RFTN1: variants seen among roughly 807,000 people sequenced by gnomAD.
RFTN1 encodes raftlin.
Under a neutral mutation model 46.5 loss-of-function variants are expected in RFTN1, and 26 were observed. The observed-to-expected ratio is 0.56, with a 90% confidence interval of 0.41 to 0.78. The LOEUF (loss-of-function observed/expected upper bound fraction) is 0.78. Among genes scored for constraint, RFTN1 ranks in the 30% least tolerant of loss-of-function variants. The pLI, the probability that RFTN1 is intolerant of heterozygous loss-of-function variation, is 0.00. For missense variants in RFTN1, 693 were observed against 718.7 expected (o/e 0.96, Z 0.41); for synonymous variants, 261 against 284.2 (o/e 0.92, Z 0.82).
intron 6 of RFTN1, among the ~76,000 whole-genome samples, chr3:16,365,706 A>G (rs2073121713): frequency 6.6e-6 from 1 of 152,166 alleles, no homozygotes; most frequent in South Asian, 2.1e-4. Context: ...CCTGGAACGT[A>G]TTCTTGTCAT....
rs1445179621 is a variant in RFTN1, at chr3:16,443,258, T to TAGCCATTCTAAC, written c.146-9233_146-9222dup. 1.3e-5 allele frequency among the ~76,000 whole-genome samples: 2 copies of TAGCCATTCTAAC among 152,354 alleles called. No homozygotes were observed. Among genetic ancestry groups the TAGCCATTCTAAC allele is most frequent in the Middle Eastern group, 3.4e-3 (1 of 294 alleles). On this transcript the variant is annotated intron_variant, in intron 2 of 9. Transcript: ENST00000334133. This position sits in a 1 kb window ranked among gnomAD's most constrained non-coding sequence, Gnocchi z 5.5. ...TTCTTATCTCTTGTATTTTTGATAG[T>TAGCCATTCTAAC]AGCCATTCTAACAGGTGTGAGCTGA... is the stretch of plus-strand genomic sequence containing the variant.
chr3:16,432,919 C>T (rs1001440567), intron 3 of RFTN1, among the ~76,000 whole-genome samples: 1 of 152,174 alleles, frequency 6.6e-6, no homozygotes, highest in African/African-American at 2.4e-5. Flanking sequence ...GTCTTAGACA[C>T]GCAACCTCAT....
At chr3:16,470,136 G>A (rs1485985755) in intron 2 of RFTN1, among the ~76,000 whole-genome samples, 1 of 152,112 alleles carries the variant, frequency 6.6e-6, no homozygotes, top group Non-Finnish European at 1.5e-5. Flanking sequence ...TTAAAATGGG[G>A]ATATTTGTCC....
chr3:16,378,147 C>T (rs376602150), intron 4 of RFTN1, 45 bp from the exon 5 acceptor site: 9 of 1,545,284 alleles, frequency 5.8e-6, no homozygotes, highest in Non-Finnish European at 8.0e-6. Context: ...ATGAAATGGT[C>T]TATCAAAGGG....
intron 3 of RFTN1, among the ~76,000 whole-genome samples, chr3:16,430,121 G>A (rs1377826085): frequency 6.6e-6 from 1 of 151,468 alleles, no homozygotes; most frequent in Non-Finnish European, 1.5e-5. Context: ...TTTTGTTGTT[G>A]TTGTTTCTTG....
At chr3:16,502,644 G>A (rs1162768299) in intron 1 of RFTN1, among the ~76,000 whole-genome samples, 2 of 152,336 alleles carry the variant, frequency 1.3e-5, no homozygotes, top group East Asian at 1.9e-4. Flanking sequence ...CTGCCATGTT[G>A]TGAGGACACT....
In RFTN1 at chr3:16,429,495, G is replaced by C. The variant is rs1185753457; in HGVS notation, c.332+4356C>G. 6.6e-6 allele frequency among the ~76,000 whole-genome samples: 1 copy of C among 152,208 alleles called. No homozygotes were observed. Among genetic ancestry groups the C allele is most frequent in the Non-Finnish European group, 1.5e-5 (1 of 68,034 alleles). On this transcript the variant is annotated intron_variant, in intron 3 of 9. Transcript: ENST00000334133. This position sits in a 1 kb window ranked among gnomAD's most constrained non-coding sequence, Gnocchi z 6.4. ...ATTTCCTTGGTTTCCCTTCCAGTGA[G>C]AGGTGGCATCTCCTTCTCCCAAACT... is the stretch of plus-strand genomic sequence containing the variant.
In RFTN1 at chr3:16,421,854, C is replaced by T. The variant is rs940984268; in HGVS notation, c.332+11997G>A. 6.6e-6 allele frequency among the ~76,000 whole-genome samples: 1 copy of T among 152,216 alleles called. No homozygotes were observed. The highest frequency in any genetic ancestry group is 1.9e-4 in the East Asian group (1 of 5,186). ...TTAATTTAGCTAAAATTACAAAAAGCGATCCACTAATTCACCTTACTGAGA... is the reference window on the plus strand; with the variant it reads ...TTAATTTAGCTAAAATTACAAAAAGTGATCCACTAATTCACCTTACTGAGA... On this transcript the variant is annotated intron_variant, in intron 3 of 9. Coordinates refer to ENST00000334133, the MANE Select transcript of RFTN1 (RefSeq NM_015150.2). This position sits in a 1 kb window ranked among gnomAD's most constrained non-coding sequence, Gnocchi z 4.6.
chr3:16,329,174 C>A lies in RFTN1; in HGVS notation c.1147-2298G>T, dbSNP rs867837129. ...CTCTCTCCCCTCTTTTCTGCGCTTC[C>A]GCCTCGGGATGACGCAGCAAGAAGG... On this transcript the variant is annotated intron_variant, in intron 7 of 9. Coordinates refer to ENST00000334133, the MANE Select transcript of RFTN1 (RefSeq NM_015150.2). The surrounding 1 kb of genome is among the most constrained non-coding windows in gnomAD (Gnocchi z 4.5). Among the ~76,000 whole-genome samples, 1 of 152,178 alleles carries A rather than the reference C, an allele frequency of 6.6e-6. No homozygotes were observed. Among genetic ancestry groups the A allele is most frequent in the African/African-American group, 2.4e-5 (1 of 41,444 alleles).
chr3:16,456,529 T>C (rs1015220977), intron 2 of RFTN1, among the ~76,000 whole-genome samples: 1 of 152,204 alleles, frequency 6.6e-6, no homozygotes, highest in Non-Finnish European at 1.5e-5. Flanking sequence ...AAGTTTATTA[T>C]TAAAAAGTAA....
Position 16,316,581 on chromosome 3 carries a change from C to T in RFTN1, c.*247G>A. On this transcript the variant is annotated 3_prime_UTR_variant, in exon 10 of 10. Coordinates refer to ENST00000334133, the MANE Select transcript of RFTN1 (RefSeq NM_015150.2). This position sits in a 1 kb window ranked among gnomAD's most constrained non-coding sequence, Gnocchi z 4.5. ...AGGACTGGGCCTTCAGCCATGAGGG[C>T]TAGAATAACCTGACCTCTTGCATTC... 1 of 549,640 alleles carries T rather than the reference C, an allele frequency of 1.8e-6. No homozygotes were observed. The highest frequency in any genetic ancestry group is 3.2e-5 in the East Asian group (1 of 30,952). The allele number at this position is 549,640 out of a possible 1,614,324, so 34.0% of individuals were successfully genotyped here.
In RFTN1 at chr3:16,320,318, T is replaced by C. The variant is rs565625067; in HGVS notation, c.1332+3058A>G. Among the ~76,000 whole-genome samples, 2 of 152,200 alleles carry C rather than the reference T, an allele frequency of 1.3e-5. No individual in the cohort carries two copies. The highest frequency in any genetic ancestry group is 2.4e-5 in the African/African-American group (1 of 41,446). On this transcript the variant is annotated intron_variant, in intron 9 of 9. Transcript: ENST00000334133. This position sits in a 1 kb window ranked among gnomAD's most constrained non-coding sequence, Gnocchi z 4.5. ...AGTCCTGATTAGAAAAATCTATCCA[T>C]GTTGCTGATTAAAAGAAGACTAAAT...
Position 16,513,426 on chromosome 3 carries a change from C to G in RFTN1, c.-9+16G>C, listed in dbSNP as rs540155692. 1 of 152,250 alleles carries G rather than the reference C, an allele frequency of 6.6e-6. No individual in the cohort carries two copies. Among genetic ancestry groups the G allele is most frequent in the African/African-American group, 2.4e-5 (1 of 41,410 alleles). 9.4% of individuals were successfully genotyped at this position (152,250 alleles called of 1,614,324 possible). On this transcript the variant is annotated intron_variant, in intron 1 of 9. Coordinates refer to ENST00000334133, the MANE Select transcript of RFTN1 (RefSeq NM_015150.2). The surrounding 1 kb of genome is among the most constrained non-coding windows in gnomAD (Gnocchi z 5.4). ...GTCGACACCCCAAGCCCTGTCGCGC[C>G]CCCCCCGCCGCCTACCGTATGGGAC...
Position 16,504,128 on chromosome 3 carries a change from T to TA in RFTN1, c.-9+9313dup, listed in dbSNP as rs35485402. ...CATTTTTTAATGGCATGCCCTAGACTAAAAAAAAAATACCCAATAGTTCGT... is the reference window on the plus strand; with the variant it reads ...CATTTTTTAATGGCATGCCCTAGACTAAAAAAAAAAATACCCAATAGTTCGT... On this transcript the variant is annotated intron_variant, in intron 1 of 9. Coordinates refer to ENST00000334133, the MANE Select transcript of RFTN1 (RefSeq NM_015150.2). The surrounding 1 kb of genome is among the most constrained non-coding windows in gnomAD (Gnocchi z 4.4). 1.7e-4 allele frequency among the ~76,000 whole-genome samples: 26 copies of TA among 149,950 alleles called. No homozygotes were observed. The highest frequency in any genetic ancestry group is 6.3e-4 in the South Asian group (3 of 4,766).
At chr3:16,358,424 G>A (rs2072604437) in intron 6 of RFTN1, among the ~76,000 whole-genome samples, 1 of 139,742 alleles carries the variant, frequency 7.2e-6, no homozygotes. Flanking sequence ...CTATATTTAG[G>A]TGAGGGTTTT....
At position 16,433,082 on chromosome 3, in the gene RFTN1, A is replaced by C. The variant is rs1057055647; in HGVS notation, c.332+769T>G. Among the ~76,000 whole-genome samples the C allele has an allele frequency of 1.3e-5, 2 of 152,192 alleles. No individual in the cohort carries two copies. The highest frequency in any genetic ancestry group is 4.8e-5 in the African/African-American group (2 of 41,440). On this transcript the variant is annotated intron_variant, in intron 3 of 9. Transcript: ENST00000334133. This position sits in a 1 kb window ranked among gnomAD's most constrained non-coding sequence, Gnocchi z 4.4. ...TCCTTCTATGATAGTTGGCCAAAAG[A>C]CAAATCTGATTTCCTTTCCCAGACT...
intron 2 of RFTN1, among the ~76,000 whole-genome samples, chr3:16,482,509 C>A (rs1394744560): frequency 6.6e-6 from 1 of 152,166 alleles, no homozygotes; most frequent in Non-Finnish European, 1.5e-5. Flanking sequence ...CCCGAGGGAC[C>A]TTTGGTATTG....
At position 16,499,711 on chromosome 3, in the gene RFTN1, G is replaced by GC. The variant is rs1427585560; in HGVS notation, c.-8-5835dup. Among the ~76,000 whole-genome samples, 1 of 152,212 alleles carries GC rather than the reference G, an allele frequency of 6.6e-6. No individual in the cohort carries two copies. Among genetic ancestry groups the GC allele is most frequent in the Non-Finnish European group, 1.5e-5 (1 of 68,032 alleles). On this transcript the variant is annotated intron_variant, in intron 1 of 9. Coordinates refer to ENST00000334133, the MANE Select transcript of RFTN1 (RefSeq NM_015150.2). This position sits in a 1 kb window ranked among gnomAD's most constrained non-coding sequence, Gnocchi z 4.9. ...AGTCTGCTCGAAATGACCATGGCCT[G>GC]CCGCCTCCTTGGCACCTGCTGAAGT...
At chr3:16,367,288 T>C (rs1271973189) in intron 6 of RFTN1, among the ~76,000 whole-genome samples, 1 of 111,234 alleles carries the variant, frequency 9.0e-6, no homozygotes, top group Non-Finnish European at 2.1e-5. Flanking sequence ...CTTGCCATTT[T>C]TTTTCTTAAT....
Sources: allele counts gnomAD v4.1 joint callset (sites outside exome capture counted in the v4.1 genomes callset), GRCh38; gene constraint gnomAD v4.1.1; non-coding constraint Gnocchi (gnomAD v3.1); transcripts MANE v1.5; gene names NCBI Gene and HGNC (gene_info 2026-07-23, HGNC 2026-07-21).